Variants in IGFBP7 observed in about 807,000 individuals in gnomAD.
IGFBP7 encodes the protein insulin-like growth factor-binding protein 7.
A neutral mutation model predicts 29.4 loss-of-function variants in IGFBP7; 31 were observed. That is an observed-to-expected ratio of 1.05 (90% confidence interval 0.79 to 1.42). IGFBP7 has a LOEUF of 1.42. Ranked by LOEUF, IGFBP7 falls within the 40% of genes most tolerant of loss-of-function variation. The pLI, the probability that IGFBP7 is intolerant of heterozygous loss-of-function variation, is 0.00. For synonymous variants in IGFBP7, 172 were observed against 174.9 expected (o/e 0.98, Z 0.13); for missense variants, 393 against 395.5 (o/e 0.99, Z 0.05).
At chr4:57,045,117 C>T (rs1217625106) in intron 1 of IGFBP7, among the ~76,000 whole-genome samples, 1 of 152,184 alleles carries the variant, frequency 6.6e-6, no homozygotes, top group Non-Finnish European at 1.5e-5. Context: ...TTCTCTCTCC[C>T]AATGCTTGGA....
At chr4:57,071,851 C>T (rs1725059369) in intron 1 of IGFBP7, among the ~76,000 whole-genome samples, 1 of 152,064 alleles carries the variant, frequency 6.6e-6, no homozygotes. Context: ...TAAAAATGTC[C>T]TAGGCTTGGT....
chr4:57,085,469 A>C (rs1178133409), intron 1 of IGFBP7, among the ~76,000 whole-genome samples: 1 of 151,884 alleles, frequency 6.6e-6, no homozygotes, highest in African/African-American at 2.4e-5. Context: ...TCATTTCTGA[A>C]ATAACAACTG....
chr4:57,102,659 T>C (rs1267348077), intron 1 of IGFBP7, among the ~76,000 whole-genome samples: 2 of 152,364 alleles, frequency 1.3e-5, no homozygotes, highest in African/African-American at 4.8e-5. Flanking sequence ...CATTAACTTG[T>C]TCTTTAGATT....
At chr4:57,091,578 A>G (rs1725636530) in intron 1 of IGFBP7, among the ~76,000 whole-genome samples, 1 of 152,232 alleles carries the variant, frequency 6.6e-6, no homozygotes, top group South Asian at 2.1e-4. Flanking sequence ...TGATATGCAT[A>G]TGAACATATG....
intron 1 of IGFBP7, among the ~76,000 whole-genome samples, chr4:57,097,590 C>A (rs147171609): frequency 1.3e-5 from 2 of 152,190 alleles, no homozygotes; most frequent in African/African-American, 2.4e-5. Flanking sequence ...AACATGGAAA[C>A]GAAACAGCAT....
At chr4:57,051,520 C>A (rs1488658056) in intron 1 of IGFBP7, among the ~76,000 whole-genome samples, 1 of 152,188 alleles carries the variant, frequency 6.6e-6, no homozygotes, top group Non-Finnish European at 1.5e-5. Flanking sequence ...ATAATGGGAC[C>A]CTGCCAAACA....
At chr4:57,083,926 A>C (rs1725434133) in intron 1 of IGFBP7, among the ~76,000 whole-genome samples, 1 of 152,206 alleles carries the variant, frequency 6.6e-6, no homozygotes, top group African/African-American at 2.4e-5. Flanking sequence ...TCCATCTTAA[A>C]TTTGTTCTGC....
At chr4:57,057,674 A>C (rs1713956) in intron 1 of IGFBP7, among the ~76,000 whole-genome samples, 96,418 of 151,870 alleles carry the variant, frequency 0.63, 30,985 homozygotes, top group East Asian at 0.9. Flanking sequence ...GTTCTCAGGG[A>C]GTCTCTTTAA....
At position 57,092,076 on chromosome 4, in the gene IGFBP7, C is replaced by T. The variant is rs11945217; in HGVS notation, c.475+17801G>A. On this transcript the variant is annotated intron_variant, in intron 1 of 4. Transcript: ENST00000295666. ...TCAAATAGAATAGTAGAGACCTTTT[C>T]TTTTCTTCTGTGAAAAAAAATCTTA... Among the ~76,000 whole-genome samples the T allele has an allele frequency of 3.7e-3, 563 of 152,238 alleles. 3 individuals carry two copies. The highest frequency in any genetic ancestry group is 0.013 in the African/African-American group (550 of 41,546).
intron 1 of IGFBP7, among the ~76,000 whole-genome samples, chr4:57,046,427 C>A (rs557356331): frequency 3.3e-5 from 5 of 151,980 alleles, no homozygotes; most frequent in Admixed American, 2.0e-4. Flanking sequence ...CAAGGCAGAT[C>A]GAGAATTTAT....
chr4:57,035,890 A>G (rs1310888045), intron 2 of IGFBP7, among the ~76,000 whole-genome samples: 1 of 152,242 alleles, frequency 6.6e-6, no homozygotes, highest in Non-Finnish European at 1.5e-5. Flanking sequence ...ACTACAATCT[A>G]TTTAGAAAGT....
intron 1 of IGFBP7, among the ~76,000 whole-genome samples, chr4:57,066,103 A>AC (rs1724916296): frequency 6.6e-6 from 1 of 150,624 alleles, no homozygotes; most frequent in Admixed American, 6.6e-5. Context: ...TATCAAATCC[A>AC]CCCCCCACTT....
rs371033133 is a variant in IGFBP7, at chr4:57,033,247, G to A, written c.650C>T (p.Ala217Val). The A allele has an allele frequency of 6.2e-7, 1 of 1,613,988 alleles. No individual in the cohort carries two copies. Among genetic ancestry groups the A allele is most frequent in the African/African-American group, 1.3e-5 (1 of 74,916 alleles). ...TTCTGGGCCACCCCGGGTCTGAATG[G>A]CCAGGTTGTCCCGGTCACCAGGCAG... is the stretch of plus-strand genomic sequence containing the variant. ...ELLPGDRDNL[A>V]IQTRGGPEKH... Residue 217 changes from alanine (A) to valine (V), a missense_variant, in exon 3 of 5, where the codon GCC becomes GTC. Physicochemically the swap from Ala to Val is moderately conservative, Grantham distance 64 (BLOSUM62 0). Transcript: ENST00000295666.
chr4:57,044,323 C>T (rs1304914501), intron 1 of IGFBP7, among the ~76,000 whole-genome samples: 2 of 152,202 alleles, frequency 1.3e-5, no homozygotes, highest in Non-Finnish European at 2.9e-5. Flanking sequence ...ATGGATTTTT[C>T]CCATGGGATT....
At chr4:57,078,925 C>A (rs1725294719) in intron 1 of IGFBP7, among the ~76,000 whole-genome samples, 1 of 152,202 alleles carries the variant, frequency 6.6e-6, no homozygotes, top group African/African-American at 2.4e-5. Context: ...GGAGCTGCTA[C>A]CTGGGCTGAG....
chr4:57,067,229 C>T (rs78210903), intron 1 of IGFBP7, among the ~76,000 whole-genome samples: 4 of 152,050 alleles, frequency 2.6e-5, no homozygotes, highest in African/African-American at 9.7e-5. Context: ...CATCATTATA[C>T]GAAAAAGAGC....
chr4:57,060,876 G>T (rs1018317157), intron 1 of IGFBP7, among the ~76,000 whole-genome samples: 1 of 151,784 alleles, frequency 6.6e-6, no homozygotes, highest in Admixed American at 6.6e-5. Context: ...CTATGATTGC[G>T]CCACTGCTCT....
chr4:57,033,398 T>G, intron 2 of IGFBP7, 87 bp from the exon 3 acceptor site: 2 of 851,368 alleles, frequency 2.3e-6, no homozygotes, highest in South Asian at 2.6e-5. Context: ...TTGCACATAG[T>G]GTATGTCAGA....
chr4:57,099,428 T>A (rs1370999177), intron 1 of IGFBP7, among the ~76,000 whole-genome samples: 1 of 152,220 alleles, frequency 6.6e-6, no homozygotes, highest in Non-Finnish European at 1.5e-5. Flanking sequence ...AGATATGGAC[T>A]AAATATTATT....
Sources: gnomAD v4.1 joint callset for allele counts (sites outside exome capture counted in the v4.1 genomes callset) on GRCh38, gnomAD v4.1.1 for gene constraint, MANE v1.5 for transcripts, NCBI Gene and HGNC (gene_info 2026-07-23, HGNC 2026-07-21) for gene names.